GUCY1A2: variants seen among roughly 807,000 people sequenced by gnomAD.
GUCY1A2 encodes the protein guanylate cyclase 1 soluble subunit alpha 2.
In GUCY1A2, 27 loss-of-function variants were observed where a neutral mutation model predicts 63.5. The ratio of observed to expected loss-of-function variants is 0.43; its 90% CI spans 0.31 to 0.59. GUCY1A2 has a LOEUF of 0.59. GUCY1A2 is among the 20% of genes least tolerant of loss of function. The pLI is 0.11. For missense variants in GUCY1A2, 768 were observed against 913.3 expected, an observed-to-expected ratio of 0.84 and a Z score of 2.05; for synonymous variants, 364 against 343.5, an observed-to-expected ratio of 1.06 and a Z score of -0.66.
intron 4 of GUCY1A2, chr11:106,828,004 C>T (rs1219531860): frequency 2.9e-6 from 2 of 700,848 alleles, no homozygotes; most frequent in Non-Finnish European, 5.2e-6. Flanking sequence ...CCAGAGAATC[C>T]GACCTACGGG....
chr11:106,998,881 C>A (rs969143944), intron 1 of GUCY1A2, among the ~76,000 whole-genome samples: 6 of 152,010 alleles, frequency 3.9e-5, no homozygotes, highest in Non-Finnish European at 7.4e-5. Flanking sequence ...TTTGTTTTTA[C>A]TTCCCAATGT....
chr11:106,954,566 T>G (rs558669378), intron 3 of GUCY1A2, among the ~76,000 whole-genome samples: 12 of 152,030 alleles, frequency 7.9e-5, no homozygotes, highest in Admixed American at 2.6e-4. Context: ...ATATCCTTTT[T>G]AATTTTTTCT....
At chr11:106,866,303 G>A (rs1316755284) in intron 4 of GUCY1A2, among the ~76,000 whole-genome samples, 1 of 152,014 alleles carries the variant, frequency 6.6e-6, no homozygotes, top group East Asian at 1.9e-4. Context: ...GAGGTTAGGA[G>A]ACAGAGAGGG....
intron 6 of GUCY1A2, among the ~76,000 whole-genome samples, chr11:106,708,869 T>C (rs1278140408): frequency 6.6e-6 from 1 of 151,616 alleles, no homozygotes; most frequent in Non-Finnish European, 1.5e-5. Flanking sequence ...TGCTATTGAA[T>C]ACACAAATAA....
At chr11:106,804,090 A>C (rs1021636405) in intron 5 of GUCY1A2, among the ~76,000 whole-genome samples, 1 of 152,240 alleles carries the variant, frequency 6.6e-6, no homozygotes, top group African/African-American at 2.4e-5. Flanking sequence ...GCTAATTTCC[A>C]TAACATTTTA....
At chr11:106,800,356 A>C (rs1864851735) in intron 5 of GUCY1A2, among the ~76,000 whole-genome samples, 1 of 152,226 alleles carries the variant, frequency 6.6e-6, no homozygotes, top group African/African-American at 2.4e-5. Flanking sequence ...TAGAACTAGA[A>C]ATACCATTTG....
Position 107,017,988 on chromosome 11 carries a change from G to T in GUCY1A2, c.68C>A (p.Pro23Gln), listed in dbSNP as rs1437457936. The T allele has an allele frequency of 6.8e-7, 1 of 1,460,318 alleles. No individual in the cohort carries two copies. The highest frequency in any genetic ancestry group is 9.1e-7 in the Non-Finnish European group (1 of 1,094,684). The allele number at this position is 1,460,318 out of a possible 1,614,324, so 90.5% of individuals were successfully genotyped here. ...CAGGGGGCACTCCCCCTCCTCCTCC[G>T]GGCTGGTCTCCAGGTAGTCGGAGCC... ...SLGSDYLETS[P>Q]EEEGECPLSR... is the part of the protein sequence containing the mutation. Residue 23 changes from proline (P) to glutamine (Q), a missense_variant, in exon 1 of 8, where the codon CCG (proline) becomes CAG (glutamine). Physicochemically the swap from Pro to Gln is moderately conservative, Grantham distance 76 (BLOSUM62 -1). This residue lies in a region of GUCY1A2 where 496 missense variants were observed against 486.9 expected (regional missense o/e 1.02). Transcript: ENST00000526355.
chr11:107,011,781 AAAAAAG>A (rs1861750107), intron 1 of GUCY1A2, among the ~76,000 whole-genome samples: 2 of 150,582 alleles, frequency 1.3e-5, no homozygotes, highest in African/African-American at 4.9e-5. Flanking sequence ...ATTTCAAAAA[AAAAAAG>A]AAAAAGAAAA....
intron 4 of GUCY1A2, among the ~76,000 whole-genome samples, chr11:106,819,811 GA>G (rs563312523): frequency 6.6e-6 from 1 of 151,320 alleles, no homozygotes; most frequent in Admixed American, 6.6e-5. Context: ...CCTTACAAAA[GA>G]AAAAAAATAC....
chr11:106,782,798 TG>T (rs112939703), intron 5 of GUCY1A2, among the ~76,000 whole-genome samples: 9 of 152,332 alleles, frequency 5.9e-5, no homozygotes, highest in African/African-American at 2.2e-4. Context: ...CAGACTTTCA[TG>T]GATACTTACT....
intron 4 of GUCY1A2, among the ~76,000 whole-genome samples, chr11:106,900,372 C>T (rs570067794): frequency 2.6e-5 from 4 of 152,134 alleles, no homozygotes; most frequent in South Asian, 4.1e-4. Context: ...TTTGTAGAGA[C>T]GGGGTTTTGC....
intron 3 of GUCY1A2, among the ~76,000 whole-genome samples, chr11:106,977,513 T>G (rs1180392870): frequency 1.3e-5 from 2 of 152,148 alleles, no homozygotes; most frequent in Non-Finnish European, 2.9e-5. Context: ...ATTATACAAT[T>G]TTGTGTTTAC....
At chr11:106,792,224 A>G (rs1864676003) in intron 5 of GUCY1A2, among the ~76,000 whole-genome samples, 2 of 152,166 alleles carry the variant, frequency 1.3e-5, no homozygotes, top group East Asian at 3.9e-4. Flanking sequence ...CATCTCTACT[A>G]AAAATACAAA....
At chr11:106,760,775 A>G (rs1224230130) in intron 6 of GUCY1A2, among the ~76,000 whole-genome samples, 1 of 152,172 alleles carries the variant, frequency 6.6e-6, no homozygotes, top group Admixed American at 6.6e-5. Flanking sequence ...CTGGCCCATC[A>G]TTTCCATAGA....
At chr11:106,786,930 C>T (rs1009311790) in intron 5 of GUCY1A2, among the ~76,000 whole-genome samples, 1 of 152,044 alleles carries the variant, frequency 6.6e-6, no homozygotes, top group Non-Finnish European at 1.5e-5. Context: ...TTCTGATTTA[C>T]CAGAACTTTA....
At chr11:106,951,312 GC>G (rs749515710) in intron 3 of GUCY1A2, among the ~76,000 whole-genome samples, 2 of 152,100 alleles carry the variant, frequency 1.3e-5, no homozygotes, top group Non-Finnish European at 2.9e-5. Context: ...TTGAGGAATC[GC>G]CACACTGTCT....
In GUCY1A2 at chr11:106,810,086, T is replaced by C; in HGVS notation, c.1599A>G (p.Ile533Met). Residue 533 changes from isoleucine to methionine, a missense_variant, in exon 5 of 8, where the codon ATA becomes ATG. Around this residue, in one of 3 missense-constraint regions of GUCY1A2, gnomAD observed 122 missense variants for 238.1 expected, o/e 0.51. Transcript: ENST00000526355. ...LFSDIVGFTA[I>M]CAQCTPMQVI... ...CTTGCATGGGAGTACACTGGGCACATATGGCTGTGAAGCCAACAATGTCTG... is the reference window on the plus strand; with the variant it reads ...CTTGCATGGGAGTACACTGGGCACACATGGCTGTGAAGCCAACAATGTCTG... The C allele has an allele frequency of 6.2e-7, 1 of 1,613,514 alleles. No homozygotes were observed. Among genetic ancestry groups the C allele is most frequent in the Non-Finnish European group, 8.5e-7 (1 of 1,179,492 alleles).
At chr11:106,768,117 T>A (rs2135396645) in intron 6 of GUCY1A2, among the ~76,000 whole-genome samples, 1 of 152,212 alleles carries the variant, frequency 6.6e-6, no homozygotes, top group Non-Finnish European at 1.5e-5. Context: ...ATAACACTCA[T>A]TTTTTTCACA....
intron 6 of GUCY1A2, among the ~76,000 whole-genome samples, chr11:106,748,499 A>G (rs1337899882): frequency 6.6e-6 from 1 of 152,194 alleles, no homozygotes; most frequent in Admixed American, 6.5e-5. Flanking sequence ...CTCATTTTTC[A>G]GCCCTTCTGT....
Sources: gnomAD v4.1 joint callset for allele counts (sites outside exome capture counted in the v4.1 genomes callset) on GRCh38, gnomAD v4.1.1 for gene constraint, gnomAD v4.1.1 regional missense constraint, MANE v1.5 for transcripts, NCBI Gene and HGNC (gene_info 2026-07-23, HGNC 2026-07-21) for gene names.